Variants in EIF3E observed in about 807,000 individuals in gnomAD.
EIF3E encodes the protein eukaryotic translation initiation factor 3 subunit E, also known as eIF-3 p48.
In EIF3E, 25 loss-of-function variants were observed where a neutral mutation model predicts 59.3. The ratio of observed to expected loss-of-function variants is 0.42; its 90% CI spans 0.31 to 0.59. The LOEUF is 0.59. Ranked by LOEUF, EIF3E falls within the 20% of genes least tolerant of loss-of-function variation. The pLI is 0.15. For synonymous variants in EIF3E, 176 were observed against 170.2 expected (o/e 1.03, Z -0.26); for missense variants, 317 against 534.3 (o/e 0.59, Z 4.01).
At chr8:108,220,673 G>T (rs2129875965) in intron 7 of EIF3E, among the ~76,000 whole-genome samples, 1 of 152,298 alleles carries the variant, frequency 6.6e-6, no homozygotes, top group Non-Finnish European at 1.5e-5. Flanking sequence ...ATAACGGGTT[G>T]GGGGCACTTT....
chr8:108,233,836 CAAAAAAAAAAAAAAAAAA>C (rs35065360), intron 5 of EIF3E, among the ~76,000 whole-genome samples: 2 of 74,022 alleles, frequency 2.7e-5, no homozygotes, highest in South Asian at 5.9e-4. Flanking sequence ...GACCCTGTCT[CAAAAAAAAAAAAAAAAAA>C]AAAAAAAAGA....
chr8:108,218,782 CTTTTTTTTTTT>C (rs35642365), intron 7 of EIF3E, among the ~76,000 whole-genome samples: 35 of 111,128 alleles, frequency 3.1e-4, no homozygotes, highest in African/African-American at 1.2e-3. Flanking sequence ...TATTTTATTT[CTTTTTTTTTTT>C]TTTTTTTTGA....
At chr8:108,209,158 T>G (rs2129849366) in intron 10 of EIF3E, among the ~76,000 whole-genome samples, 1 of 152,182 alleles carries the variant, frequency 6.6e-6, no homozygotes, top group Admixed American at 6.5e-5. Flanking sequence ...TTGAAATGTG[T>G]CCTTTGGTGG....
chr8:108,217,707 A>G (rs1815329761), intron 7 of EIF3E, among the ~76,000 whole-genome samples: 1 of 152,198 alleles, frequency 6.6e-6, no homozygotes, highest in Non-Finnish European at 1.5e-5. Flanking sequence ...CAAGAGGCTA[A>G]TTATCCTATT....
intron 5 of EIF3E, among the ~76,000 whole-genome samples, chr8:108,229,700 C>T (rs1259645136): frequency 2.0e-5 from 3 of 151,978 alleles, no homozygotes; most frequent in Non-Finnish European, 4.4e-5. Flanking sequence ...AAAAAGCAGG[C>T]CCACTGATTA....
intron 3 of EIF3E, among the ~76,000 whole-genome samples, chr8:108,236,413 G>A (rs949116441): frequency 3.3e-5 from 5 of 152,180 alleles, no homozygotes; most frequent in Non-Finnish European, 7.4e-5. Flanking sequence ...TTGACTTTCA[G>A]ATTTCTTTAG....
At chr8:108,231,586 C>T (rs916800551) in intron 5 of EIF3E, among the ~76,000 whole-genome samples, 12 of 151,908 alleles carry the variant, frequency 7.9e-5, no homozygotes, top group Non-Finnish European at 5.9e-5. Flanking sequence ...ACTAAAATCA[C>T]TTTTATTTCA....
chr8:108,207,147 G>C (rs1377363134), intron 10 of EIF3E, among the ~76,000 whole-genome samples: 1 of 152,126 alleles, frequency 6.6e-6, no homozygotes, highest in Non-Finnish European at 1.5e-5. Flanking sequence ...AAAGAATGTA[G>C]AAATAATCTG....
intron 11 of EIF3E, 111 bp from the exon 12 acceptor site, chr8:108,203,228 G>T: frequency 1.1e-6 from 1 of 888,948 alleles, no homozygotes; most frequent in Non-Finnish European, 1.5e-6. Context: ...GTATAGAGAT[G>T]ACAATATTTA....
intron 1 of EIF3E, among the ~76,000 whole-genome samples, chr8:108,244,201 T>C (rs1052750061): frequency 1.3e-5 from 2 of 152,206 alleles, no homozygotes; most frequent in African/African-American, 4.8e-5. Flanking sequence ...GAATGCTTTT[T>C]CAAGAGAAAT....
intron 10 of EIF3E, among the ~76,000 whole-genome samples, chr8:108,206,647 T>C (rs866062486): frequency 1.1e-4 from 13 of 120,650 alleles, no homozygotes; most frequent in African/African-American, 3.1e-4. Context: ...CACACACACA[T>C]ACACACGCAC....
intron 1 of EIF3E, chr8:108,242,856 A>G (rs1003268434): frequency 1.1e-5 from 2 of 180,306 alleles, no homozygotes; most frequent in African/African-American, 2.4e-5. Flanking sequence ...AACCTAAAAA[A>G]TCCTGACAAT....
intron 10 of EIF3E, among the ~76,000 whole-genome samples, chr8:108,212,536 T>C (rs1815231973): frequency 6.6e-6 from 1 of 152,232 alleles, no homozygotes; most frequent in South Asian, 2.1e-4. Context: ...CGCAAGTGGC[T>C]CACGCCTGTA....
In EIF3E at chr8:108,203,068, A is replaced by G. The variant is rs777767031; in HGVS notation, c.1214T>C (p.Ile405Thr). 2 of 1,612,912 alleles carry G rather than the reference A, an allele frequency of 1.2e-6. No homozygotes were observed. The highest frequency in any genetic ancestry group is 1.1e-5 in the South Asian group (1 of 91,038). Residue 405 changes from isoleucine to threonine, a missense_variant, in exon 12 of 13, where the codon ATT (isoleucine) becomes ACT (threonine). Transcript: ENST00000220849. Reference protein sequence around the residue: ...NNAVSPYQQVIEKTKSLSFRS... With the variant: ...NNAVSPYQQVTEKTKSLSFRS... ...AAAGGAAAGGCTTTTGGTCTTTTCAATCACTTGCTGATAGGGTGAGACTGC... is the reference window on the plus strand; with the variant it reads ...AAAGGAAAGGCTTTTGGTCTTTTCAGTCACTTGCTGATAGGGTGAGACTGC...
At chr8:108,206,440 G>A (rs1302556023) in intron 10 of EIF3E, among the ~76,000 whole-genome samples, 2 of 152,164 alleles carry the variant, frequency 1.3e-5, no homozygotes, top group African/African-American at 4.8e-5. Context: ...CTAAGGAAAT[G>A]ATATTTAATC....
At chr8:108,220,601 C>T (rs1401946681) in intron 7 of EIF3E, among the ~76,000 whole-genome samples, 2 of 152,158 alleles carry the variant, frequency 1.3e-5, no homozygotes, top group Non-Finnish European at 2.9e-5. Flanking sequence ...TTAGATGGCA[C>T]AAACTAAGAA....
intron 10 of EIF3E, among the ~76,000 whole-genome samples, chr8:108,205,889 ATAAAT>A (rs1815092333): frequency 6.6e-6 from 1 of 152,204 alleles, no homozygotes; most frequent in African/African-American, 2.4e-5. Flanking sequence ...TGCTCAACTT[ATAAAT>A]TAAACTTTAT....
intron 7 of EIF3E, among the ~76,000 whole-genome samples, chr8:108,224,657 G>A (rs777177615): frequency 6.6e-6 from 1 of 151,590 alleles, no homozygotes; most frequent in Non-Finnish European, 1.5e-5. Flanking sequence ...CTACTGAGTA[G>A]TTTTCTTTTC....
At chr8:108,246,402 CA>C (rs1563639916) in intron 1 of EIF3E, among the ~76,000 whole-genome samples, 1 of 151,970 alleles carries the variant, frequency 6.6e-6, no homozygotes, top group African/African-American at 2.4e-5. Context: ...CTGAAGATAA[CA>C]AAATCTCAAT....
Sources: allele counts gnomAD v4.1 joint callset (sites outside exome capture counted in the v4.1 genomes callset), GRCh38; gene constraint gnomAD v4.1.1; transcripts MANE v1.5; gene names NCBI Gene and HGNC (gene_info 2026-07-23, HGNC 2026-07-21).